The following SNTB1 variants were observed in gnomAD, a reference collection of about 807,000 sequenced individuals.
SNTB1 encodes the protein beta-1-syntrophin.
In SNTB1, 36 loss-of-function variants were observed where a neutral mutation model predicts 48.9. That is an observed-to-expected ratio of 0.74 (90% CI 0.56 to 0.97). The LOEUF (loss-of-function observed/expected upper bound fraction) is 0.97, where lower values mean the gene tolerates loss of function less well. Ranked by LOEUF, SNTB1 falls within the 50% of genes least tolerant of loss-of-function variation. The pLI is 0.00. For synonymous variants in SNTB1, 299 were observed against 294.6 expected, an observed-to-expected ratio of 1.01 and a Z score of -0.15; for missense variants, 786 against 703.4, an observed-to-expected ratio of 1.12 and a Z score of -1.33.
intron 4 of SNTB1, among the ~76,000 whole-genome samples, chr8:120,573,093 A>C (rs537834848): frequency 6.6e-6 from 1 of 152,302 alleles, no homozygotes; most frequent in South Asian, 2.1e-4. Flanking sequence ...TTTTGGAGAA[A>C]TCTCCATACT....
chr8:120,629,018 C>T (rs10097857), intron 3 of SNTB1, among the ~76,000 whole-genome samples: 115,407 of 152,018 alleles, frequency 0.76, 44,087 homozygotes, highest in East Asian at 0.89. Context: ...AATCAAGTTC[C>T]AGTCGAGGTG....
chr8:120,743,763 C>A (rs1170299783), intron 1 of SNTB1, among the ~76,000 whole-genome samples: 2 of 152,152 alleles, frequency 1.3e-5, no homozygotes, highest in South Asian at 2.1e-4. Flanking sequence ...TTGTGTATCT[C>A]ACACTAAAGT....
At chr8:120,556,630 T>C (rs1024750645) in intron 4 of SNTB1, among the ~76,000 whole-genome samples, 2 of 152,196 alleles carry the variant, frequency 1.3e-5, no homozygotes, top group African/African-American at 4.8e-5. Context: ...TATTATGGTA[T>C]TGCAAAGATG....
At chr8:120,598,230 A>G (rs1386081673) in intron 3 of SNTB1, among the ~76,000 whole-genome samples, 3 of 152,124 alleles carry the variant, frequency 2.0e-5, no homozygotes, top group Non-Finnish European at 2.9e-5. Context: ...AAGAGTCTCA[A>G]TTCTTCTCAA....
chr8:120,669,394 G>A (rs1007284680), intron 2 of SNTB1, among the ~76,000 whole-genome samples: 14 of 151,858 alleles, frequency 9.2e-5, no homozygotes, highest in Non-Finnish European at 1.0e-4. Context: ...TAAAGGATGA[G>A]AGATTAGTTT....
rs572396911 is a variant in SNTB1, at chr8:120,609,652, G to A, written c.996+22792C>T. Among the ~76,000 whole-genome samples, 7 of 152,278 alleles carry A rather than the reference G, an allele frequency of 4.6e-5. No homozygotes were observed. The East Asian group carries it at 1.2e-3, about 25-fold the overall frequency. ...AAATGGAAAATAGTTTTTACAATGAGTACAGATTACTTTTTAAAAGAAAAT... is the reference window on the plus strand; with the variant it reads ...AAATGGAAAATAGTTTTTACAATGAATACAGATTACTTTTTAAAAGAAAAT... On this transcript the variant is annotated intron_variant, in intron 3 of 6. Transcript: ENST00000517992.
chr8:120,556,961 A>G (rs1267668242), intron 4 of SNTB1, among the ~76,000 whole-genome samples: 1 of 152,202 alleles, frequency 6.6e-6, no homozygotes, highest in African/African-American at 2.4e-5. Context: ...GGCCTTTAAG[A>G]TCTTAAGAAC....
chr8:120,718,622 C>T (rs1161909990), intron 1 of SNTB1, among the ~76,000 whole-genome samples: 2 of 152,146 alleles, frequency 1.3e-5, no homozygotes, highest in Non-Finnish European at 1.5e-5. Context: ...CTGGTTCTGA[C>T]CACACCCCCT....
intron 3 of SNTB1, among the ~76,000 whole-genome samples, chr8:120,577,659 C>T (rs539420728): frequency 2.6e-4 from 39 of 152,298 alleles, no homozygotes; most frequent in African/African-American, 8.2e-4. Context: ...TGACCAGAAT[C>T]AGTCATTTAA....
At chr8:120,737,834 A>C (rs1818975387) in intron 1 of SNTB1, among the ~76,000 whole-genome samples, 1 of 152,202 alleles carries the variant, frequency 6.6e-6, no homozygotes, top group South Asian at 2.1e-4. Context: ...TCTCCTAAGA[A>C]GGCAACATAT....
intron 5 of SNTB1, among the ~76,000 whole-genome samples, chr8:120,542,681 A>T (rs2130643967): frequency 6.6e-6 from 1 of 150,570 alleles, no homozygotes; most frequent in Admixed American, 6.6e-5. Context: ...AAATAAATAA[A>T]GCCACCTTTG....
At chr8:120,797,624 G>T (rs371602714) in intron 1 of SNTB1, among the ~76,000 whole-genome samples, 4 of 143,356 alleles carry the variant, frequency 2.8e-5, no homozygotes, top group African/African-American at 1.1e-4. Flanking sequence ...CAGAGAATGG[G>T]TTAATTTTGC....
intron 1 of SNTB1, among the ~76,000 whole-genome samples, chr8:120,806,667 A>G (rs1820341896): frequency 6.6e-6 from 1 of 152,168 alleles, no homozygotes; most frequent in African/African-American, 2.4e-5. Context: ...AAGGTTAGAG[A>G]TGGCTTAACC....
chr8:120,624,389 A>T (rs1390942271), intron 3 of SNTB1, among the ~76,000 whole-genome samples: 1 of 152,142 alleles, frequency 6.6e-6, no homozygotes, highest in East Asian at 1.9e-4. Context: ...CACATGAGAG[A>T]ATCTGGAAGG....
At chr8:120,569,272 G>A (rs999550742) in intron 4 of SNTB1, among the ~76,000 whole-genome samples, 3 of 152,316 alleles carry the variant, frequency 2.0e-5, no homozygotes, top group Middle Eastern at 3.4e-3. Context: ...GAGCTACTGT[G>A]CCCAGCCCGC....
chr8:120,721,029 T>A (rs1818650858), intron 1 of SNTB1, among the ~76,000 whole-genome samples: 1 of 152,228 alleles, frequency 6.6e-6, no homozygotes, highest in Non-Finnish European at 1.5e-5. Flanking sequence ...TGAGACAGCC[T>A]GGGTAGCCTC....
intron 2 of SNTB1, among the ~76,000 whole-genome samples, chr8:120,682,246 T>C (rs1258568731): frequency 1.3e-5 from 2 of 152,216 alleles, no homozygotes; most frequent in Non-Finnish European, 2.9e-5. Flanking sequence ...CCCATTGCTT[T>C]AAAAAATAAA....
intron 1 of SNTB1, among the ~76,000 whole-genome samples, chr8:120,734,159 G>T (rs1273453446): frequency 2.6e-5 from 4 of 152,138 alleles, no homozygotes. Context: ...AGTTTTATTT[G>T]CAGGCCAGGC....
intron 1 of SNTB1, among the ~76,000 whole-genome samples, chr8:120,723,307 T>A (rs868721037): frequency 6.6e-6 from 1 of 152,322 alleles, no homozygotes; most frequent in East Asian, 1.9e-4. Flanking sequence ...TATATATATA[T>A]TGCATATTCA....
Sources: allele counts gnomAD v4.1 joint callset (sites outside exome capture counted in the v4.1 genomes callset), GRCh38; gene constraint gnomAD v4.1.1; transcripts MANE v1.5; gene names NCBI Gene and HGNC (gene_info 2026-07-23, HGNC 2026-07-21).